The following CARMIL2 variants were observed in gnomAD, a reference collection of about 807,000 sequenced individuals.
The protein encoded by CARMIL2 is capping protein regulator and myosin 1 linker 2, also known as capping protein, Arp2/3 and myosin-I linker protein 2.
Under a neutral mutation model 173.3 loss-of-function variants are expected in CARMIL2, and 96 were observed. The ratio of observed to expected loss-of-function variants is 0.55; its 90% CI spans 0.47 to 0.66. The LOEUF is 0.66. CARMIL2 is among the 30% of genes least tolerant of loss of function. The pLI is 0.00. For missense variants in CARMIL2, 1,771 were observed against 1,906.7 expected (o/e 0.93, Z 1.33); for synonymous variants, 830 against 817.1 (o/e 1.02, Z -0.27).
rs936441790 is a variant in CARMIL2, at chr16:67,648,956, C to G, written c.1573C>G (p.Leu525Val). Reference protein sequence around the residue: ...LVCDAGAVSSLDLADNGFGSD... With the variant: ...LVCDAGAVSSVDLADNGFGSD... ...GTGCGACGCAGGCGCTGTGAGCTCC[C>G]TGGATCTGGCGGATAACGGTGAGGC... The change falls in exon 17 of 38, where the codon CTG (leucine) becomes GTG (valine). Residue 525 changes from leucine to valine, a missense_variant. Coordinates refer to ENST00000334583, the MANE Select transcript of CARMIL2 (RefSeq NM_001013838.3). This position sits in a 1 kb window ranked among gnomAD's most constrained non-coding sequence, Gnocchi z 6.1. 1.2e-6 allele frequency: 2 copies of G among 1,609,640 alleles called. No individual in the cohort carries two copies. Among genetic ancestry groups the G allele is most frequent in the East Asian group, 4.5e-5 (2 of 44,630 alleles).
At position 67,649,512 on chromosome 16, in the gene CARMIL2, C is replaced by T. The variant is rs1222685304; in HGVS notation, c.1812C>T (p.Ala604=). The T allele has an allele frequency of 6.2e-7, 1 of 1,608,722 alleles. No homozygotes were observed. The highest frequency in any genetic ancestry group is 8.5e-7 in the Non-Finnish European group (1 of 1,179,880). ...LKLGASVLLR[A]LATNPNLTAL... ...TGGGTGCCAGCGTCCTACTCCGGGC[C>T]CTAGCCACCAATCCTAACCTGACCG... Residue 604 remains alanine, a synonymous_variant, in exon 20 of 38, where the codon GCC becomes GCT. Coordinates refer to ENST00000334583, the MANE Select transcript of CARMIL2 (RefSeq NM_001013838.3). The surrounding 1 kb of genome is among the most constrained non-coding windows in gnomAD (Gnocchi z 6.7).
chr16:67,649,733 C>A lies in CARMIL2; in HGVS notation c.1920-73C>A. ...GAGCAAATGGAGCAGGCTGACGAGG[C>A]GAATGGACTAGGCCGAGGGTTGGGT... is the stretch of plus-strand genomic sequence containing the variant. On this transcript the variant is annotated intron_variant, in intron 20 of 37. Transcript: ENST00000334583. The surrounding 1 kb of genome is among the most constrained non-coding windows in gnomAD (Gnocchi z 6.7). 6.4e-7 allele frequency: 1 copy of A among 1,573,308 alleles called. No homozygotes were observed. Among genetic ancestry groups the A allele is most frequent in the South Asian group, 1.2e-5 (1 of 85,364 alleles).
Position 67,651,898 on chromosome 16 carries a change from C to T in CARMIL2, c.2589-23C>T. 6.2e-7 allele frequency: 1 copy of T among 1,613,196 alleles called. No individual in the cohort carries two copies. Among genetic ancestry groups the T allele is most frequent in the South Asian group, 1.1e-5 (1 of 91,088 alleles). ...AGGCTGAGCAAAGCCAGCCCATTAA[C>T]CCCTGTCCTCTCCTGCCCTTAGGGA... On this transcript the variant is annotated intron_variant, in intron 25 of 37. Coordinates refer to ENST00000334583, the MANE Select transcript of CARMIL2 (RefSeq NM_001013838.3). The surrounding 1 kb of genome is among the most constrained non-coding windows in gnomAD (Gnocchi z 4.2).
At position 67,657,465 on chromosome 16, in the gene CARMIL2, C is replaced by CGGA. The variant is rs755977521; in HGVS notation, c.4257_4259dup (p.Arg1419dup). 1.2e-6 allele frequency: 2 copies of CGGA among 1,611,106 alleles called. No individual in the cohort carries two copies. The highest frequency in any genetic ancestry group is 3.4e-5 in the Admixed American group (2 of 59,486). ...GCCCACAGAGCCCTCCAGCCCTGAG[C>CGGA]GGAGCCCACCCTCCCCAGCCACAGA... On this transcript the variant is annotated inframe_insertion, in exon 38 of 38. Coordinates refer to ENST00000334583, the MANE Select transcript of CARMIL2 (RefSeq NM_001013838.3). This position sits in a 1 kb window ranked among gnomAD's most constrained non-coding sequence, Gnocchi z 4.5.
Position 67,652,466 on chromosome 16 carries a change from C to T in CARMIL2, c.2818-6C>T, listed in dbSNP as rs1232901277. The T allele has an allele frequency of 6.2e-7, 1 of 1,613,452 alleles. No individual in the cohort carries two copies. The highest frequency in any genetic ancestry group is 1.7e-5 in the Admixed American group (1 of 59,992). On this transcript the variant is annotated splice_polypyrimidine_tract_variant and splice_region_variant and intron_variant, in intron 27 of 37. Coordinates refer to ENST00000334583, the MANE Select transcript of CARMIL2 (RefSeq NM_001013838.3). This position sits in a 1 kb window ranked among gnomAD's most constrained non-coding sequence, Gnocchi z 4.7. ...CCCCAGGCTGAGTTTGTGCCCTCCCCACCAGGATGACAGTCCTCCACAGAA... is the reference window on the plus strand; with the variant it reads ...CCCCAGGCTGAGTTTGTGCCCTCCCTACCAGGATGACAGTCCTCCACAGAA...
chr16:67,653,353 G>A lies in CARMIL2; in HGVS notation c.3120+99G>A. ...GTAGCGGTCAAGGAGAGGGGGTGGTGGGGGCCCAAGGCCACCTGGTCGTGC... is the reference window on the plus strand; with the variant it reads ...GTAGCGGTCAAGGAGAGGGGGTGGTAGGGGCCCAAGGCCACCTGGTCGTGC... On this transcript the variant is annotated intron_variant, in intron 29 of 37. Transcript: ENST00000334583. This position sits in a 1 kb window ranked among gnomAD's most constrained non-coding sequence, Gnocchi z 7.4. 2.2e-6 allele frequency: 1 copy of A among 462,852 alleles called. No homozygotes were observed. Among genetic ancestry groups the A allele is most frequent in the African/African-American group, 2.1e-5 (1 of 47,530 alleles). The allele number at this position is 462,852 out of a possible 1,614,324, so 28.7% of individuals were successfully genotyped here.
chr16:67,645,883 C>A, intron 3 of CARMIL2, 106 bp downstream of exon 3: 1 of 1,554,504 alleles, frequency 6.4e-7, no homozygotes, highest in Admixed American at 1.7e-5. Context: ...TGACTTTGCA[C>A]CAGCACTGGG....
In CARMIL2 at chr16:67,654,876, G is replaced by T; in HGVS notation, c.3681G>T (p.Gly1227=). Reference sequence around the variant, plus strand: ...GGATAGGCGTCAGCCGAGGCAGCGGGGGTGCCGAAGGCAAGAGGAAGCAAG... The same window carrying T: ...GGATAGGCGTCAGCCGAGGCAGCGGTGGTGCCGAAGGCAAGAGGAAGCAAG... ...LQRIGVSRGS[G]GAEGKRKQSK... Residue 1227 remains glycine (G), a synonymous_variant, in exon 32 of 38, where the codon GGG becomes GGT. Coordinates refer to ENST00000334583, the MANE Select transcript of CARMIL2 (RefSeq NM_001013838.3). 6.2e-7 allele frequency: 1 copy of T among 1,613,740 alleles called. No individual in the cohort carries two copies. The highest frequency in any genetic ancestry group is 1.1e-5 in the South Asian group (1 of 91,040).
rs1289733490 is a variant in CARMIL2 at position 67,652,974 on chromosome 16, TC to T, written c.2885-41del. 9.2e-6 allele frequency: 10 copies of T among 1,087,076 alleles called. No individual in the cohort carries two copies. Among genetic ancestry groups the T allele is most frequent in the South Asian group, 1.6e-5 (1 of 63,240 alleles). The allele number at this position is 1,087,076 out of a possible 1,614,324, so 67.3% of individuals were successfully genotyped here. A position where few individuals can be genotyped will look rare whatever the true frequency, so the allele number is the denominator to read the frequency against. On this transcript the variant is annotated intron_variant, in intron 28 of 37. Transcript: ENST00000334583. This position sits in a 1 kb window ranked among gnomAD's most constrained non-coding sequence, Gnocchi z 4.7. ...CCGCCCTAGCGCCTCCGCCGCCACC[TC>T]CCCGGGCTCGGCGCTCGGTGCTCTT...
At position 67,646,797 on chromosome 16, in the gene CARMIL2, C is replaced by A; in HGVS notation, c.537+13C>A. 1 of 1,613,652 alleles carries A rather than the reference C, an allele frequency of 6.2e-7. No individual in the cohort carries two copies. Among genetic ancestry groups the A allele is most frequent in the Non-Finnish European group, 8.5e-7 (1 of 1,179,626 alleles). On this transcript the variant is annotated intron_variant, in intron 7 of 37. Transcript: ENST00000334583. The surrounding 1 kb of genome is among the most constrained non-coding windows in gnomAD (Gnocchi z 4.6). Reference sequence around the variant, plus strand: ...GGAGATTCAGTGGGTGAGGGTAGGGCCCTTTTGAAGGGCTCTGGAGACATC... The same window carrying A: ...GGAGATTCAGTGGGTGAGGGTAGGGACCTTTTGAAGGGCTCTGGAGACATC...
Position 67,648,690 on chromosome 16 carries a change from T to C in CARMIL2, c.1445T>C (p.Leu482Pro). ...CKLPPDALRA[L>P]LDGLALNTHL... Reference sequence around the variant, plus strand: ...CGTGTAACGTCCTCTCCCAGAGCCCTTTTGGATGGCCTCGCGCTCAACACG... The same window carrying C: ...CGTGTAACGTCCTCTCCCAGAGCCCCTTTGGATGGCCTCGCGCTCAACACG... The change falls in exon 16 of 38, where the codon CTT becomes CCT. Residue 482 changes from leucine to proline, a missense_variant. Transcript: ENST00000334583. The surrounding 1 kb of genome is among the most constrained non-coding windows in gnomAD (Gnocchi z 6.1). The C allele has an allele frequency of 6.2e-7, 1 of 1,605,614 alleles. No individual in the cohort carries two copies. Among genetic ancestry groups the C allele is most frequent in the Non-Finnish European group, 8.5e-7 (1 of 1,176,428 alleles).
chr16:67,651,315 C>T lies in CARMIL2; in HGVS notation c.2313C>T (p.Ser771=), dbSNP rs371929234. The T allele has an allele frequency of 1.2e-5, 19 of 1,613,238 alleles. No individual in the cohort carries two copies. Among genetic ancestry groups the T allele is most frequent in the East Asian group, 2.2e-5 (1 of 44,880 alleles). The change falls in exon 23 of 38, where the codon AGC becomes AGT. Residue 771 remains serine (S), a splice_region_variant and synonymous_variant. Transcript: ENST00000334583. This position sits in a 1 kb window ranked among gnomAD's most constrained non-coding sequence, Gnocchi z 4.2. ...TCCAAAATGCCAACTTCTCTCTCAG[C>T]GTGAGCACTCCCCCTCCTGCTACAA... The part of the protein sequence containing the change: ...DAIQNANFSL[S]ILPILYEAGS...
Position 67,648,022 on chromosome 16 carries a change from C to T in CARMIL2, c.1072-30C>T. On this transcript the variant is annotated intron_variant, in intron 13 of 37. Coordinates refer to ENST00000334583, the MANE Select transcript of CARMIL2 (RefSeq NM_001013838.3). This position sits in a 1 kb window ranked among gnomAD's most constrained non-coding sequence, Gnocchi z 6.1. The stretch of plus-strand genomic sequence containing the variant: ...CATAAGCCCTGGGTAGGCGATCCCC[C>T]ACTCCATCGCACCCCTGTCCTCCCT... 1.2e-6 allele frequency: 2 copies of T among 1,608,364 alleles called. No individual in the cohort carries two copies. Among genetic ancestry groups the T allele is most frequent in the South Asian group, 2.2e-5 (2 of 89,844 alleles).
At position 67,651,788 on chromosome 16, in the gene CARMIL2, G is replaced by T. The variant is rs1295280632; in HGVS notation, c.2531G>T (p.Arg844Met). Reference sequence around the variant, plus strand: ...CTAGAGGGGGTCCTGGCAGGCTCGAGGGGCCTCCCGGAGCTGCTCCCAGAG... The same window carrying T: ...CTAGAGGGGGTCCTGGCAGGCTCGATGGGCCTCCCGGAGCTGCTCCCAGAG... ...EQLEGVLAGS[R>M]GLPELLPEQL... is the part of the protein sequence containing the mutation. The change falls in exon 25 of 38, where the codon AGG (arginine) becomes ATG (methionine). Residue 844 changes from arginine to methionine, a missense_variant. Arg to Met is a moderately conservative substitution (Grantham distance 91). Transcript: ENST00000334583. The surrounding 1 kb of genome is among the most constrained non-coding windows in gnomAD (Gnocchi z 4.2). 5.0e-6 allele frequency: 8 copies of T among 1,609,428 alleles called. No individual in the cohort carries two copies. The highest frequency in any genetic ancestry group is 6.8e-6 in the Non-Finnish European group (8 of 1,178,484).
rs773272602 is a variant in CARMIL2, at chr16:67,648,121, C to T, written c.1141C>T (p.Leu381=). 2.1e-5 allele frequency: 34 copies of T among 1,612,824 alleles called. No homozygotes were observed. Among genetic ancestry groups the T allele is most frequent in the Non-Finnish European group, 2.6e-5 (31 of 1,179,564 alleles). ...GAATCTCGCAGGCACCGACACTGCC[C>T]TGGACACTGTGAGGGGGTGCTCCGT... ...FLNLAGTDTA[L]DTVRGCSVGG... is the part of the protein sequence containing the mutation. The change falls in exon 14 of 38, where the codon CTG becomes TTG. Residue 381 remains leucine, a synonymous_variant. Transcript: ENST00000334583. This position sits in a 1 kb window ranked among gnomAD's most constrained non-coding sequence, Gnocchi z 6.1.
Position 67,645,673 on chromosome 16 carries a change from C to T in CARMIL2, c.132+42C>T, listed in dbSNP as rs138842813. 4.1e-3 allele frequency: 6,679 copies of T among 1,613,296 alleles called. 27 individuals are homozygous for T. Among genetic ancestry groups the T allele is most frequent in the Non-Finnish European group, 4.2e-3 (4,899 of 1,179,632 alleles). ...AGAGCCGGGGAGGCGGCTGTGGCCC[C>T]ACAGAAAGAGCCTCTTGCTCTGCCC... On this transcript the variant is annotated intron_variant, in intron 2 of 37. Coordinates refer to ENST00000334583, the MANE Select transcript of CARMIL2 (RefSeq NM_001013838.3).
At position 67,645,580 on chromosome 16, in the gene CARMIL2, G is replaced by A. The variant is rs1317106616; in HGVS notation, c.81G>A (p.Leu27=). The A allele has an allele frequency of 1.9e-6, 3 of 1,612,454 alleles. No individual in the cohort carries two copies. The highest frequency in any genetic ancestry group is 2.5e-6 in the Non-Finnish European group (3 of 1,179,406). ...TCCTGTGGCCCAAAGAGGTGGAGCT[G>A]CTGCTGAAAACCTGGCTACCCGGGG... The part of the protein sequence containing the change: ...TRFLWPKEVE[L]LLKTWLPGEG... Residue 27 remains leucine, a synonymous_variant, in exon 2 of 38, where the codon CTG becomes CTA. Coordinates refer to ENST00000334583, the MANE Select transcript of CARMIL2 (RefSeq NM_001013838.3).
chr16:67,648,552 TG>T lies in CARMIL2; in HGVS notation c.1439+52del. Reference sequence around the variant, plus strand: ...CCCCGCGGGCGCTCCCACCCTGCCCTGGCCTTCGCCCCTCCCCGCTCCTGCT... The same window carrying T: ...CCCCGCGGGCGCTCCCACCCTGCCCTGCCTTCGCCCCTCCCCGCTCCTGCT... On this transcript the variant is annotated intron_variant, in intron 15 of 37. Coordinates refer to ENST00000334583, the MANE Select transcript of CARMIL2 (RefSeq NM_001013838.3). The surrounding 1 kb of genome is among the most constrained non-coding windows in gnomAD (Gnocchi z 6.1). 8.1e-7 allele frequency: 1 copy of T among 1,227,846 alleles called. No individual in the cohort carries two copies. Among genetic ancestry groups the T allele is most frequent in the East Asian group, 3.7e-5 (1 of 27,196 alleles). 76.1% of individuals were successfully genotyped at this position (1,227,846 alleles called of 1,614,324 possible).
Position 67,653,066 on chromosome 16 carries a change from GA to G in CARMIL2, c.2934del (p.Asp979MetfsTer90). ...GGAGCCCGAGCTGGCGGCTCCGGGA[GA>G]AGATGCAGAGCCGCAGGCGGGGCCG... ...EPEPELAAPGEDAEPQAGPSA... is the reference protein window; with the variant it reads ...EPEPELAAPGXDAEPQAGPSA... On this transcript the variant is annotated frameshift_variant, in exon 29 of 38. Transcript: ENST00000334583. LOFTEE classifies it high-confidence loss of function. The surrounding 1 kb of genome is among the most constrained non-coding windows in gnomAD (Gnocchi z 7.4). The G allele has an allele frequency of 7.9e-7, 1 of 1,263,232 alleles. No homozygotes were observed. Among genetic ancestry groups the G allele is most frequent in the Non-Finnish European group, 1.0e-6 (1 of 994,120 alleles). The allele number at this position is 1,263,232 out of a possible 1,614,324, so 78.3% of individuals were successfully genotyped here.
Sources: allele counts gnomAD v4.1 joint callset, GRCh38; gene constraint gnomAD v4.1.1; non-coding constraint Gnocchi (gnomAD v3.1); transcripts MANE v1.5; gene names NCBI Gene and HGNC (gene_info 2026-07-23, HGNC 2026-07-21).